MSI2: variants seen among roughly 807,000 people sequenced by gnomAD.
MSI2 encodes the protein musashi RNA binding protein 2, also known as RNA-binding protein Musashi homolog 2.
A neutral mutation model predicts 45.6 loss-of-function variants in MSI2; 17 were observed. The observed-to-expected ratio is 0.37, with a 90% CI of 0.26 to 0.56. MSI2 has a LOEUF of 0.56. Ranked by LOEUF, MSI2 falls within the 20% of genes least tolerant of loss-of-function variation. MSI2 has a pLI of 0.77. For missense variants in MSI2, 293 were observed against 444.2 expected, an observed-to-expected ratio of 0.66 and a Z score of 3.06; for synonymous variants, 156 against 158.2, an observed-to-expected ratio of 0.99 and a Z score of 0.11.
intron 6 of MSI2, among the ~76,000 whole-genome samples, chr17:57,471,411 C>T (rs567727967): frequency 3.0e-4 from 45 of 151,618 alleles, no homozygotes; most frequent in African/African-American, 1.0e-3. Context: ...CTGCCTCAGC[C>T]GCCTGAGTAG....
rs1221930442 is a variant in MSI2, at chr17:57,675,040, G to A, written c.859G>A (p.Gly287Ser). 9 of 1,614,046 alleles carry A rather than the reference G, an allele frequency of 5.6e-6. No homozygotes were observed. Among genetic ancestry groups the A allele is most frequent in the East Asian group, 4.5e-5 (2 of 44,868 alleles). The change falls in exon 12 of 14, where the codon GGC becomes AGC. Residue 287 changes from glycine to serine, a missense_variant. By Grantham distance (56) the Gly-to-Ser change is moderately conservative. Coordinates refer to ENST00000284073, the MANE Select transcript of MSI2 (RefSeq NM_138962.4). ...NSPGPVADLY[G>S]PASQDSGVGN... ...CCCAGGACCTGTCGCCGATCTCTACGGCCCTGCCAGCCAGGACTCCGGAGT... is the reference window on the plus strand; with the variant it reads ...CCCAGGACCTGTCGCCGATCTCTACAGCCCTGCCAGCCAGGACTCCGGAGT...
At chr17:57,256,251 G>A (rs1176331651), upstream of MSI2, among the ~76,000 whole-genome samples, 2 of 151,768 alleles carry the variant, frequency 1.3e-5, no homozygotes, top group East Asian at 3.9e-4. Flanking sequence ...GCTCCCCCTC[G>A]CCCTGCGCCC....
At chr17:57,577,884 A>C (rs2088092416) in intron 7 of MSI2, among the ~76,000 whole-genome samples, 1 of 152,150 alleles carries the variant, frequency 6.6e-6, no homozygotes, top group African/African-American at 2.4e-5. Context: ...ACGGCAGGTC[A>C]CTGGGTACTC....
chr17:57,633,043 T>C, intron 10 of MSI2: 1 of 1,042,232 alleles, frequency 9.6e-7, no homozygotes, highest in Non-Finnish European at 1.2e-6. Context: ...CTTGTCCTAG[T>C]ATGCTTGCCT....
In MSI2 at chr17:57,652,062, T is replaced by C; in HGVS notation, c.728-37T>C. On this transcript the variant is annotated intron_variant, in intron 10 of 13. Coordinates refer to ENST00000284073, the MANE Select transcript of MSI2 (RefSeq NM_138962.4). The surrounding 1 kb of genome is among the most constrained non-coding windows in gnomAD (Gnocchi z 4.1). Reference sequence around the variant, plus strand: ...GGTCTGTGCCTGGCCCTTTCAAGGATTCCTCCATGACTCAGGCTCCTCTCT... The same window carrying C: ...GGTCTGTGCCTGGCCCTTTCAAGGACTCCTCCATGACTCAGGCTCCTCTCT... The C allele has an allele frequency of 6.2e-7, 1 of 1,606,796 alleles. No individual in the cohort carries two copies.
rs994732280 is a variant in MSI2 at position 57,596,487 on chromosome 17, G to A, written c.455-381G>A. Among the ~76,000 whole-genome samples the A allele has an allele frequency of 8.5e-5, 13 of 152,336 alleles. No homozygotes were observed. Among genetic ancestry groups the A allele is most frequent in the African/African-American group, 2.4e-4 (10 of 41,570 alleles). ...ACCCGAGGGCTGGCCAGGGCTGCTC[G>A]CGGAAAGGGCAAGCGTGGCCCCGCA... On this transcript the variant is annotated intron_variant, in intron 7 of 13. Transcript: ENST00000284073. This position sits in a 1 kb window ranked among gnomAD's most constrained non-coding sequence, Gnocchi z 4.6.
chr17:57,442,521 C>G (rs1314361427), intron 6 of MSI2, among the ~76,000 whole-genome samples: 1 of 152,102 alleles, frequency 6.6e-6, no homozygotes, highest in Non-Finnish European at 1.5e-5. Flanking sequence ...TACAGCCTGA[C>G]CAGCAGTTAG....
At chr17:57,670,193 T>C (rs1912679743) in intron 11 of MSI2, among the ~76,000 whole-genome samples, 2 of 152,236 alleles carry the variant, frequency 1.3e-5, no homozygotes, top group Non-Finnish European at 2.9e-5. Context: ...TCAGGTCCAG[T>C]GACATCACTT....
chr17:57,596,479 G>A lies in MSI2; in HGVS notation c.455-389G>A, dbSNP rs942240720. ...GGAGGCCGACCCGAGGGCTGGCCAG[G>A]GCTGCTCGCGGAAAGGGCAAGCGTG... On this transcript the variant is annotated intron_variant, in intron 7 of 13. Transcript: ENST00000284073. This position sits in a 1 kb window ranked among gnomAD's most constrained non-coding sequence, Gnocchi z 4.6. Among the ~76,000 whole-genome samples the A allele has an allele frequency of 6.6e-6, 1 of 152,222 alleles. No individual in the cohort carries two copies. The highest frequency in any genetic ancestry group is 1.5e-5 in the Non-Finnish European group (1 of 68,032).
intron 6 of MSI2, among the ~76,000 whole-genome samples, chr17:57,413,687 T>G (rs961565687): frequency 6.6e-6 from 1 of 151,940 alleles, no homozygotes; most frequent in Admixed American, 6.6e-5. Context: ...TTACATATGA[T>G]TCTAATAAGC....
rs149044041 is a variant in MSI2, at chr17:57,373,717, C to T, written c.313-27662C>T. 1.1e-4 allele frequency among the ~76,000 whole-genome samples: 16 copies of T among 152,278 alleles called. No homozygotes were observed. The East Asian group carries it at 1.3e-3, about 13-fold the overall frequency. On this transcript the variant is annotated intron_variant, in intron 5 of 13. Coordinates refer to ENST00000284073, the MANE Select transcript of MSI2 (RefSeq NM_138962.4). ...CAGCTGCCAGGTTCAGAACCACAGCCGCACTGTCCCCATCCGAAGGCCTCC... is the reference window on the plus strand; with the variant it reads ...CAGCTGCCAGGTTCAGAACCACAGCTGCACTGTCCCCATCCGAAGGCCTCC...
At chr17:57,317,533 C>T (rs1490281128) in intron 5 of MSI2, among the ~76,000 whole-genome samples, 4 of 99,298 alleles carry the variant, frequency 4.0e-5, no homozygotes, top group South Asian at 3.3e-4. Context: ...TTTTTTGAGA[C>T]GGGGTCTCAC....
chr17:57,270,796 A>T (rs974536485), intron 5 of MSI2, among the ~76,000 whole-genome samples: 1 of 152,182 alleles, frequency 6.6e-6, no homozygotes, highest in Non-Finnish European at 1.5e-5. Context: ...TGCCCCCATC[A>T]TCAGGGGACC....
At chr17:57,451,441 G>A (rs1437241592) in intron 6 of MSI2, among the ~76,000 whole-genome samples, 2 of 152,206 alleles carry the variant, frequency 1.3e-5, no homozygotes, top group African/African-American at 4.8e-5. Context: ...TGTTGTTTCA[G>A]AAGCAACATG....
chr17:57,604,898 C>T (rs1197145127), intron 8 of MSI2, among the ~76,000 whole-genome samples: 2 of 150,884 alleles, frequency 1.3e-5, no homozygotes, highest in Non-Finnish European at 2.9e-5. Flanking sequence ...TCCAGCTGCT[C>T]CTCCTCAGCC....
At chr17:57,276,884 G>A (rs901517457) in intron 5 of MSI2, among the ~76,000 whole-genome samples, 1 of 151,894 alleles carries the variant, frequency 6.6e-6, no homozygotes, top group Non-Finnish European at 1.5e-5. Context: ...GGGCTGACTC[G>A]GTCTCCTGGG....
intron 5 of MSI2, among the ~76,000 whole-genome samples, chr17:57,305,328 T>C (rs1911788067): frequency 6.6e-6 from 1 of 152,138 alleles, no homozygotes; most frequent in Non-Finnish European, 1.5e-5. Context: ...GCCTCCGATG[T>C]TGAGGATAGG....
chr17:57,456,708 G>T (rs1241110969), intron 6 of MSI2, among the ~76,000 whole-genome samples: 2 of 152,180 alleles, frequency 1.3e-5, no homozygotes, highest in African/African-American at 4.8e-5. Context: ...GGCACAACTG[G>T]GGCTAAATTC....
intron 7 of MSI2, among the ~76,000 whole-genome samples, chr17:57,568,740 C>G (rs1453672010): frequency 6.6e-6 from 1 of 152,200 alleles, no homozygotes; most frequent in Non-Finnish European, 1.5e-5. Flanking sequence ...GTTAAAATTG[C>G]CATAGACTTT....
Sources: gnomAD v4.1 joint callset for allele counts (sites outside exome capture counted in the v4.1 genomes callset) on GRCh38, gnomAD v4.1.1 for gene constraint, Gnocchi (gnomAD v3.1) non-coding constraint, MANE v1.5 for transcripts, NCBI Gene and HGNC (gene_info 2026-07-23, HGNC 2026-07-21) for gene names.